Variants in SLC30A7 observed in about 807,000 individuals in gnomAD.
The protein encoded by SLC30A7 is zinc transporter 7.
Under a neutral mutation model 46.0 loss-of-function variants are expected in SLC30A7, and 35 were observed. The observed-to-expected ratio is 0.76, with a 90% CI of 0.58 to 1.01. The LOEUF is 1.01. Among genes scored for constraint, SLC30A7 ranks in the 50% least tolerant of loss-of-function variants. The pLI is 0.00. For synonymous variants in SLC30A7, 147 were observed against 157.8 expected (o/e 0.93, Z 0.51); for missense variants, 464 against 451.1 (o/e 1.03, Z -0.26).
At chr1:100,954,060 T>A (rs1655097627) in intron 8 of SLC30A7, among the ~76,000 whole-genome samples, 1 of 152,242 alleles carries the variant, frequency 6.6e-6, no homozygotes, top group Non-Finnish European at 1.5e-5. Flanking sequence ...CTGGTTTAGA[T>A]GTCAGTAATC....
chr1:100,940,319 G>C (rs1654264867), intron 8 of SLC30A7, among the ~76,000 whole-genome samples: 1 of 152,152 alleles, frequency 6.6e-6, no homozygotes, highest in South Asian at 2.1e-4. Flanking sequence ...ATTAAAAGAA[G>C]GCATGGCTGA....
At chr1:100,953,729 C>T (rs1655075558) in intron 8 of SLC30A7, among the ~76,000 whole-genome samples, 1 of 152,088 alleles carries the variant, frequency 6.6e-6, no homozygotes, top group African/African-American at 2.4e-5. Context: ...TTTTCTGGAG[C>T]TTTTTGCCCA....
At chr1:100,903,185 A>G (rs1028061440) in intron 2 of SLC30A7, among the ~76,000 whole-genome samples, 3 of 152,156 alleles carry the variant, frequency 2.0e-5, no homozygotes, top group Non-Finnish European at 2.9e-5. Context: ...ATAAAATTCC[A>G]TAAAGTGAAC....
intron 8 of SLC30A7, among the ~76,000 whole-genome samples, chr1:100,955,786 T>A (rs1269120274): frequency 6.6e-6 from 1 of 152,118 alleles, no homozygotes; most frequent in East Asian, 1.9e-4. Context: ...TAAAGGTTTC[T>A]TTTACATTTT....
chr1:100,920,848 T>C (rs1304365601), intron 7 of SLC30A7, among the ~76,000 whole-genome samples: 1 of 151,958 alleles, frequency 6.6e-6, no homozygotes, highest in Non-Finnish European at 1.5e-5. Context: ...TGAATAATGT[T>C]CTATTTTTAG....
At chr1:100,920,614 G>T (rs1180205446) in intron 7 of SLC30A7, among the ~76,000 whole-genome samples, 1 of 151,836 alleles carries the variant, frequency 6.6e-6, no homozygotes, top group Non-Finnish European at 1.5e-5. Context: ...ATAAAATGAA[G>T]TATAATTTTC....
intron 10 of SLC30A7, among the ~76,000 whole-genome samples, chr1:100,970,503 T>G (rs1277770824): frequency 1.3e-5 from 2 of 152,080 alleles, no homozygotes; most frequent in Non-Finnish European, 2.9e-5. Flanking sequence ...TAAAAGCCAC[T>G]TCAGTACTCA....
intron 10 of SLC30A7, among the ~76,000 whole-genome samples, chr1:100,970,246 T>G (rs947043890): frequency 2.0e-5 from 3 of 152,140 alleles, no homozygotes; most frequent in African/African-American, 7.2e-5. Flanking sequence ...AATTACAATG[T>G]AAGTGATAGT....
At chr1:100,912,079 C>A in intron 4 of SLC30A7, 33 bp from the exon 5 acceptor site, 1 of 1,590,062 alleles carries the variant, frequency 6.3e-7, no homozygotes. Context: ...GAAATAATAT[C>A]TATGCTATTT....
intron 10 of SLC30A7, among the ~76,000 whole-genome samples, chr1:100,974,237 T>G (rs1322931862): frequency 6.6e-6 from 1 of 151,922 alleles, no homozygotes; most frequent in African/African-American, 2.4e-5. Context: ...TCTCATGAGG[T>G]TTTTTCAAAG....
chr1:100,901,430 G>T (rs975446926), intron 2 of SLC30A7, among the ~76,000 whole-genome samples: 1 of 151,902 alleles, frequency 6.6e-6, no homozygotes, highest in Admixed American at 6.6e-5. Context: ...ATGTATTCAG[G>T]TTTCTCCTTT....
intron 2 of SLC30A7, among the ~76,000 whole-genome samples, chr1:100,902,665 T>C (rs902019590): frequency 6.6e-6 from 1 of 152,334 alleles, no homozygotes; most frequent in South Asian, 2.1e-4. Context: ...CAGTTGGTTT[T>C]CTAGTAATCT....
chr1:100,941,029 C>T (rs1173301182), intron 8 of SLC30A7: 4 of 337,232 alleles, frequency 1.2e-5, no homozygotes, highest in African/African-American at 4.4e-5. Context: ...AAATCTGCTA[C>T]TGCCATAGCT....
chr1:100,902,736 C>A (rs1193547102), intron 2 of SLC30A7, among the ~76,000 whole-genome samples: 1 of 152,156 alleles, frequency 6.6e-6, no homozygotes, highest in Non-Finnish European at 1.5e-5. Flanking sequence ...GCATTGTGAT[C>A]TATGTATCTT....
chr1:100,936,517 C>T (rs1294853918), intron 8 of SLC30A7, among the ~76,000 whole-genome samples: 8 of 152,152 alleles, frequency 5.3e-5, no homozygotes, highest in Admixed American at 5.2e-4. Context: ...ACCTCTGTAT[C>T]TCTGCTCATC....
chr1:100,946,287 T>A (rs1478073024), intron 8 of SLC30A7, among the ~76,000 whole-genome samples: 1 of 152,180 alleles, frequency 6.6e-6, no homozygotes, highest in Non-Finnish European at 1.5e-5. Context: ...TTTCTTTCTC[T>A]TGCCTGATTG....
intron 6 of SLC30A7, among the ~76,000 whole-genome samples, chr1:100,917,544 A>G (rs1451407271): frequency 6.6e-6 from 1 of 152,204 alleles, no homozygotes; most frequent in Non-Finnish European, 1.5e-5. Context: ...GCTGAATAGT[A>G]ATTTTCAAGA....
intron 6 of SLC30A7, 118 bp downstream of exon 6, chr1:100,913,924 A>G: frequency 2.9e-6 from 4 of 1,392,212 alleles, no homozygotes; most frequent in Non-Finnish European, 3.9e-6. Context: ...TTTCTAATGA[A>G]TCAGTCTAAA....
At chr1:100,945,187 C>T (rs917440656) in intron 8 of SLC30A7, among the ~76,000 whole-genome samples, 6 of 152,046 alleles carry the variant, frequency 3.9e-5, no homozygotes, top group African/African-American at 1.4e-4. Context: ...TGGATATTAG[C>T]CCTTTGTCAG....
Sources: gnomAD v4.1 joint callset for allele counts (sites outside exome capture counted in the v4.1 genomes callset) on GRCh38, gnomAD v4.1.1 for gene constraint, MANE v1.5 for transcripts, NCBI Gene and HGNC (gene_info 2026-07-23, HGNC 2026-07-21) for gene names.